The following PCDHGB1 variants were observed in gnomAD, a reference collection of about 807,000 sequenced individuals.
The protein encoded by PCDHGB1 is protocadherin gamma-B1.
In PCDHGB1, 34 loss-of-function variants were observed where a neutral mutation model predicts 56.6. The observed-to-expected ratio is 0.60, with a 90% CI of 0.46 to 0.80. PCDHGB1 has a LOEUF of 0.80. Ranked by LOEUF, PCDHGB1 falls within the 30% of genes least tolerant of loss-of-function variation. The probability of loss-of-function intolerance (pLI) is 0.00; values close to 1 mark genes in which losing one functional copy is unlikely to be tolerated. For missense variants in PCDHGB1, 1,278 were observed against 1,204.6 expected, an observed-to-expected ratio of 1.06 and a Z score of -0.90; for synonymous variants, 561 against 505.9, an observed-to-expected ratio of 1.11 and a Z score of -1.46.
chr5:141,395,442 AG>A lies in PCDHGB1; in HGVS notation c.2409+42774del, dbSNP rs1446210907. Reference sequence around the variant, plus strand: ...CATTTGCTTTTAAACGACTTGGAAAAGATTGTTCAACCATTTTAAGCCTTCC... The same window carrying A: ...CATTTGCTTTTAAACGACTTGGAAAAATTGTTCAACCATTTTAAGCCTTCC... On this transcript the variant is annotated intron_variant, in intron 1 of 3. Coordinates refer to ENST00000523390, the MANE Select transcript of PCDHGB1 (RefSeq NM_018922.3). 4 of 667,514 alleles carry A rather than the reference AG, an allele frequency of 6.0e-6. No homozygotes were observed. The East Asian group carries it at 1.2e-4, about 20-fold the overall frequency. 41.3% of individuals were successfully genotyped at this position (667,514 alleles called of 1,614,324 possible).
In PCDHGB1 at chr5:141,423,758, G is replaced by T. The variant is rs1192987646; in HGVS notation, c.2410-71049G>T. Reference sequence around the variant, plus strand: ...CTGTTATGAAAACTGTTTGGGGGGGGGGTGGGGCGGCATATATTTAGTTCA... The same window carrying T: ...CTGTTATGAAAACTGTTTGGGGGGGTGGTGGGGCGGCATATATTTAGTTCA... On this transcript the variant is annotated intron_variant, in intron 1 of 3. Transcript: ENST00000523390. 1.4e-4 allele frequency: 53 copies of T among 366,832 alleles called. 6 individuals carry two copies. The highest frequency in any genetic ancestry group is 3.4e-4 in the South Asian group (4 of 11,762). 22.7% of individuals were successfully genotyped at this position (366,832 alleles called of 1,614,324 possible).
chr5:141,481,691 C>T (rs929210528), intron 1 of PCDHGB1, among the ~76,000 whole-genome samples: 7 of 152,080 alleles, frequency 4.6e-5, no homozygotes, highest in African/African-American at 1.4e-4. Flanking sequence ...TGGTGGCTCA[C>T]GCCTGTAATC....
chr5:141,450,733 C>T (rs886761152), intron 1 of PCDHGB1, among the ~76,000 whole-genome samples: 24 of 152,198 alleles, frequency 1.6e-4, no homozygotes, highest in African/African-American at 5.3e-4. Context: ...GTGATCCGCC[C>T]GCCTTGGCCT....
At chr5:141,388,920 A>G in intron 1 of PCDHGB1, 2 of 1,613,996 alleles carry the variant, frequency 1.2e-6, no homozygotes, top group Non-Finnish European at 1.7e-6. Flanking sequence ...CCCAGAAGTG[A>G]TATTCCAGTC....
At chr5:141,403,306 A>C in intron 1 of PCDHGB1, 1 of 1,613,908 alleles carries the variant, frequency 6.2e-7, no homozygotes, top group Non-Finnish European at 8.5e-7. Context: ...AACTGTACGG[A>C]ATAGAAATAG....
chr5:141,431,090 G>C lies in PCDHGB1; in HGVS notation c.2410-63717G>C. On this transcript the variant is annotated intron_variant, in intron 1 of 3. Transcript: ENST00000523390. The surrounding 1 kb of genome is among the most constrained non-coding windows in gnomAD (Gnocchi z 4.8). ...TCAATTAAATCTAGACATTCTGATG[G>C]AGGATAAAGTGAAAATATATGGAGT... is the stretch of plus-strand genomic sequence containing the variant. 6.2e-7 allele frequency: 1 copy of C among 1,614,246 alleles called. No homozygotes were observed. The highest frequency in any genetic ancestry group is 8.5e-7 in the Non-Finnish European group (1 of 1,180,032).
chr5:141,419,378 G>C (rs777509820), intron 1 of PCDHGB1: 3 of 1,613,712 alleles, frequency 1.9e-6, no homozygotes, highest in Admixed American at 3.3e-5. Context: ...CTACGTGTCC[G>C]TGAGCGCGCA....
At chr5:141,385,188 T>A (rs1352073072) in intron 1 of PCDHGB1, 2 of 1,614,080 alleles carry the variant, frequency 1.2e-6, no homozygotes, top group African/African-American at 1.3e-5. Flanking sequence ...CCGCGGACTC[T>A]CGGAAGAGTC....
rs377701820 is a variant in PCDHGB1 at position 141,422,031 on chromosome 5, G to A, written c.2409+69362G>A. On this transcript the variant is annotated intron_variant, in intron 1 of 3. Coordinates refer to ENST00000523390, the MANE Select transcript of PCDHGB1 (RefSeq NM_018922.3). ...CTCGGGTGCTGATGGTTAATGCAAC[G>A]GATCCAGACGAGGGAATCAACGGGG... 127 of 1,610,494 alleles carry A rather than the reference G, an allele frequency of 7.9e-5. No individual in the cohort carries two copies. In the East Asian group the frequency reaches 2.4e-3, roughly 31 times the overall value.
At chr5:141,460,912 GTA>G (rs34683754) in intron 1 of PCDHGB1, among the ~76,000 whole-genome samples, 12 of 149,310 alleles carry the variant, frequency 8.0e-5, no homozygotes, top group African/African-American at 7.4e-5. Flanking sequence ...ATTCCATGGT[GTA>G]TATATATATA....
chr5:141,427,793 G>C, intron 1 of PCDHGB1: 1 of 1,495,528 alleles, frequency 6.7e-7, no homozygotes, highest in Non-Finnish European at 9.2e-7. Flanking sequence ...CGTCCTACGT[G>C]TCCGTGAGCG....
At chr5:141,385,020 C>A (rs1780771634) in intron 1 of PCDHGB1, 7 of 1,614,168 alleles carry the variant, frequency 4.3e-6, no homozygotes, top group Non-Finnish European at 5.9e-6. Flanking sequence ...TCCTAGCCTT[C>A]GTCCTCGTAC....
intron 1 of PCDHGB1, chr5:141,394,859 C>T: frequency 6.2e-7 from 1 of 1,613,758 alleles, no homozygotes; most frequent in Non-Finnish European, 8.5e-7. Context: ...AGCCTTCGGT[C>T]GACCCGAACG....
At chr5:141,409,813 C>T in intron 1 of PCDHGB1, 2 of 1,611,170 alleles carry the variant, frequency 1.2e-6, no homozygotes, top group African/African-American at 1.3e-5. Flanking sequence ...CCCGCGACCA[C>T]GGCTCGCCCA....
At chr5:141,466,027 CAGG>C (rs1174989171) in intron 1 of PCDHGB1, among the ~76,000 whole-genome samples, 1 of 151,890 alleles carries the variant, frequency 6.6e-6, no homozygotes, top group African/African-American at 2.4e-5. Context: ...GAGGGTGAGG[CAGG>C]AGAACGGCAT....
At chr5:141,419,620 G>C in intron 1 of PCDHGB1, 1 of 1,612,304 alleles carries the variant, frequency 6.2e-7, no homozygotes, top group Non-Finnish European at 8.5e-7. Context: ...CAGGCTACCT[G>C]GTGACCAAGG....
rs1400778058 is a variant in PCDHGB1 at position 141,366,688 on chromosome 5, G to A, written c.2409+14019G>A. The A allele has an allele frequency of 6.2e-6, 10 of 1,614,136 alleles. No individual in the cohort carries two copies. The Admixed American group carries it at 1.2e-4, about 19-fold the overall frequency. The stretch of plus-strand genomic sequence containing the variant: ...CGCTCCTTAGTGAAGAGAGCTGTGA[G>A]AAAAGCGAGCCTCTTCTGATGTCTG... On this transcript the variant is annotated intron_variant, in intron 1 of 3. Coordinates refer to ENST00000523390, the MANE Select transcript of PCDHGB1 (RefSeq NM_018922.3).
chr5:141,501,345 A>G (rs2099808580), intron 2 of PCDHGB1, among the ~76,000 whole-genome samples: 2 of 150,582 alleles, frequency 1.3e-5, no homozygotes, highest in East Asian at 1.9e-4. Context: ...CCCAAACTCA[A>G]TAGGGCAAGA....
chr5:141,423,755 G>GC (rs542747697), intron 1 of PCDHGB1: 5,773 of 512,484 alleles, frequency 0.011, 63 homozygotes, highest in Non-Finnish European at 0.014. Context: ...CTGTTTGGGG[G>GC]GGGGGTGGGG....
Sources: allele counts gnomAD v4.1 joint callset (sites outside exome capture counted in the v4.1 genomes callset), GRCh38; gene constraint gnomAD v4.1.1; non-coding constraint Gnocchi (gnomAD v3.1); transcripts MANE v1.5; gene names NCBI Gene and HGNC (gene_info 2026-07-23, HGNC 2026-07-21).